The following FUZ variants were observed in gnomAD, a reference collection of about 807,000 sequenced individuals.
The protein encoded by FUZ is fuzzy planar cell polarity protein, also known as protein fuzzy homolog.
FUZ carries 31 observed loss-of-function variants against 43.1 expected under a neutral mutation model. The ratio of observed to expected loss-of-function variants is 0.72; its 90% confidence interval spans 0.54 to 0.97. The LOEUF (loss-of-function observed/expected upper bound fraction) is 0.97, where lower values mean the gene tolerates loss of function less well. Among genes scored for constraint, FUZ ranks in the 50% least tolerant of loss-of-function variants. FUZ has a pLI of 0.00. For synonymous variants in FUZ, 274 were observed against 250.0 expected (o/e 1.10, Z -0.91); for missense variants, 539 against 543.8 (o/e 0.99, Z 0.09).
chr19:49,808,534 CG>C, intron 9 of FUZ, 39 bp downstream of exon 9: 2 of 1,582,746 alleles, frequency 1.3e-6, no homozygotes, highest in Non-Finnish European at 1.7e-6. Flanking sequence ...CCCCGGCCCA[CG>C]CCCCTCCTAC....
chr19:49,811,335 G>T (rs761977723), intron 5 of FUZ, 28 bp downstream of exon 5: 29 of 1,487,856 alleles, frequency 1.9e-5, no homozygotes, highest in South Asian at 3.5e-5. Context: ...CAGAACAGGT[G>T]TAAGAGTTTC....
In FUZ at chr19:49,813,206, G is replaced by T. The variant is rs1340079001; in HGVS notation, c.-100C>A. On this transcript the variant is annotated 5_prime_UTR_variant, in exon 1 of 11. In the 5' UTR this introduces an upstream ATG that the reference lacks. Coordinates refer to ENST00000313777, the MANE Select transcript of FUZ (RefSeq NM_025129.5). Reference sequence around the variant, plus strand: ...CTCGGCCTGTGGTCCGGAGCCGCCAGAGGGCGAGATGGGGAGCTGATTGGA... The same window carrying T: ...CTCGGCCTGTGGTCCGGAGCCGCCATAGGGCGAGATGGGGAGCTGATTGGA... 1 of 1,077,762 alleles carries T rather than the reference G, an allele frequency of 9.3e-7. No homozygotes were observed. Among genetic ancestry groups the T allele is most frequent in the East Asian group, 2.6e-5 (1 of 38,904 alleles). The allele number at this position is 1,077,762 out of a possible 1,614,324, so 66.8% of individuals were successfully genotyped here. A position where few individuals can be genotyped will look rare whatever the true frequency, so the allele number is the denominator to read the frequency against.
chr19:49,813,314 T>C (rs1380068130), upstream of FUZ: 2 of 666,914 alleles, frequency 3.0e-6, no homozygotes, highest in African/African-American at 3.5e-5. Context: ...ACCCATTAGG[T>C]TCTCTTCCGC....
intron 3 of FUZ, 147 bp downstream of exon 3, chr19:49,812,104 T>C (rs2073821673): frequency 1.4e-6 from 1 of 723,318 alleles, no homozygotes; most frequent in Non-Finnish European, 2.5e-6. Context: ...CGAGACTCCG[T>C]CTCAAAACAA....
Position 49,808,656 on chromosome 19 carries a change from G to T in FUZ, c.894-18C>A. On this transcript the variant is annotated intron_variant, in intron 8 of 10. Coordinates refer to ENST00000313777, the MANE Select transcript of FUZ (RefSeq NM_025129.5). ...GCAGCAGCCTGTGGGAAAGGGAAGG[G>T]AATGTCATGGCTGGGGAAGAGGACA... 2 of 1,612,338 alleles carry T rather than the reference G, an allele frequency of 1.2e-6. No individual in the cohort carries two copies. Among genetic ancestry groups the T allele is most frequent in the Non-Finnish European group, 1.7e-6 (2 of 1,179,286 alleles).
chr19:49,811,446 T>C lies in FUZ; in HGVS notation c.409A>G (p.Ser137Gly). The C allele has an allele frequency of 6.2e-7, 1 of 1,613,968 alleles. No homozygotes were observed. The highest frequency in any genetic ancestry group is 1.1e-5 in the South Asian group (1 of 91,078). ...ATGAGCTCCGAGTCCCCCAGGAAGCTGTCGATGAGGCAATAACTGGCCTAG... is the reference window on the plus strand; with the variant it reads ...ATGAGCTCCGAGTCCCCCAGGAAGCCGTCGATGAGGCAATAACTGGCCTAG... ...DLRASYCLID[S>G]FLGDSELIGD... The change falls in exon 5 of 11, where the codon AGC becomes GGC. Residue 137 changes from serine to glycine, a missense_variant. By Grantham distance (56) the Ser-to-Gly change is moderately conservative (BLOSUM62 0). Coordinates refer to ENST00000313777, the MANE Select transcript of FUZ (RefSeq NM_025129.5).
chr19:49,811,531 C>G (rs764700213), intron 4 of FUZ, 64 bp from the exon 5 acceptor site: 31 of 1,585,226 alleles, frequency 2.0e-5, no homozygotes, highest in Non-Finnish European at 1.7e-6. Flanking sequence ...AACCAAGAAC[C>G]TGTGGGACCA....
upstream of FUZ, chr19:49,813,459 G>C: frequency 2.5e-6 from 1 of 405,708 alleles, no homozygotes; most frequent in Non-Finnish European, 4.7e-6. Context: ...GCGTTGCCTA[G>C]CCACCATCCT....
Position 49,808,834 on chromosome 19 carries a change from C to G in FUZ, c.787-11G>C. 2 of 1,525,308 alleles carry G rather than the reference C, an allele frequency of 1.3e-6. No individual in the cohort carries two copies. The highest frequency in any genetic ancestry group is 1.8e-6 in the Non-Finnish European group (2 of 1,137,072). The allele number at this position is 1,525,308 out of a possible 1,614,324, so 94.5% of individuals were successfully genotyped here. On this transcript the variant is annotated splice_polypyrimidine_tract_variant and intron_variant, in intron 7 of 10. Coordinates refer to ENST00000313777, the MANE Select transcript of FUZ (RefSeq NM_025129.5). ...CCAGCGCTCCAGAAGCTGCAGGGGG[C>G]GTGGTCATTGTGAGGTCGTCATGGG... is the stretch of plus-strand genomic sequence containing the variant.
At chr19:49,808,326 C>T in intron 10 of FUZ, 88 bp downstream of exon 10, 1 of 1,390,266 alleles carries the variant, frequency 7.2e-7, no homozygotes, top group Non-Finnish European at 9.9e-7. Flanking sequence ...CCTCCGGATC[C>T]TCCAACCCCA....
chr19:49,811,586 T>G, intron 4 of FUZ, 45 bp downstream of exon 4: 1 of 1,597,310 alleles, frequency 6.3e-7, no homozygotes, highest in Admixed American at 1.7e-5. Context: ...CAAATGGCAG[T>G]GCCCAGGTAT....
chr19:49,808,564 C>T lies in FUZ; in HGVS notation c.958+10G>A, dbSNP rs1351671787. 53 of 1,605,100 alleles carry T rather than the reference C, an allele frequency of 3.3e-5. No homozygotes were observed. Among genetic ancestry groups the T allele is most frequent in the Non-Finnish European group, 4.3e-5 (50 of 1,176,100 alleles). On this transcript the variant is annotated intron_variant, in intron 9 of 10. Coordinates refer to ENST00000313777, the MANE Select transcript of FUZ (RefSeq NM_025129.5). The stretch of plus-strand genomic sequence containing the variant: ...CTCCTACCCCTGCCCCTGCCCCTGT[C>T]CTCAGTCACCTTTATCCCCCAAGGG...
At position 49,813,120 on chromosome 19, in the gene FUZ, C is replaced by G; in HGVS notation, c.-14G>C. 1 of 1,543,688 alleles carries G rather than the reference C, an allele frequency of 6.5e-7. No homozygotes were observed. The highest frequency in any genetic ancestry group is 1.7e-4 in the Middle Eastern group (1 of 5,718). On this transcript the variant is annotated 5_prime_UTR_variant, in exon 1 of 11. Transcript: ENST00000313777. Reference sequence around the variant, plus strand: ...CTCCTCCCCCATTTAGGACTCCCACCGCGGTCCCTCACGTGGGGACTGTCA... The same window carrying G: ...CTCCTCCCCCATTTAGGACTCCCACGGCGGTCCCTCACGTGGGGACTGTCA...
At chr19:49,808,133 T>G in intron 10 of FUZ, 8 of 497,364 alleles carry the variant, frequency 1.6e-5, no homozygotes, top group East Asian at 3.8e-5. Flanking sequence ...ATGAAGTGAT[T>G]TCATTCTTTC....
chr19:49,809,088 G>A lies in FUZ; in HGVS notation c.786+75C>T, dbSNP rs975215584. On this transcript the variant is annotated intron_variant, in intron 7 of 10. Coordinates refer to ENST00000313777, the MANE Select transcript of FUZ (RefSeq NM_025129.5). The surrounding 1 kb of genome is among the most constrained non-coding windows in gnomAD (Gnocchi z 5.1). ...GGGCTGGGGAAAGATGCCGCTGGCA[G>A]GGCAGGGTGGTGGGGAAGGGCCCTC... 1.5e-6 allele frequency: 2 copies of A among 1,361,182 alleles called. No individual in the cohort carries two copies. The highest frequency in any genetic ancestry group is 2.1e-6 in the Non-Finnish European group (2 of 974,902). 84.3% of individuals were successfully genotyped at this position (1,361,182 alleles called of 1,614,324 possible).
chr19:49,807,749 T>G (rs2073468804), intron 10 of FUZ, among the ~76,000 whole-genome samples: 1 of 152,048 alleles, frequency 6.6e-6, no homozygotes. Context: ...CAGGGGCCAG[T>G]GGGAGGTGGA....
At chr19:49,808,883 C>A (rs1331445111) in intron 7 of FUZ, 60 bp from the exon 8 acceptor site, 2 of 581,478 alleles carry the variant, frequency 3.4e-6, no homozygotes, top group African/African-American at 2.6e-5. Context: ...CGGGGGAGGT[C>A]GGGGGGTGTA....
In FUZ at chr19:49,807,997, CTG is replaced by C. The variant is rs536573917; in HGVS notation, c.1033+415_1033+416del. 1.6e-3 allele frequency: 561 copies of C among 348,914 alleles called. 1 individual carries two copies. Among genetic ancestry groups the C allele is most frequent in the Non-Finnish European group, 2.7e-3 (489 of 179,270 alleles). 21.6% of individuals were successfully genotyped at this position (348,914 alleles called of 1,614,324 possible). Reference sequence around the variant, plus strand: ...TTTGGCAGTTGTGCAGAGCGCTGGACTGTGTGGATATGGGAGCAAGATCCCCT... The same window carrying C: ...TTTGGCAGTTGTGCAGAGCGCTGGACTGTGGATATGGGAGCAAGATCCCCT... On this transcript the variant is annotated intron_variant, in intron 10 of 10. Transcript: ENST00000313777.
rs374529154 is a variant in FUZ at position 49,807,139 on chromosome 19, A to C, written c.*12T>G. ...AGCCCCATGTCTGTGTCCATCACCCACTGCTAGGTAGTCAAAGAAGTGGGG... is the reference window on the plus strand; with the variant it reads ...AGCCCCATGTCTGTGTCCATCACCCCCTGCTAGGTAGTCAAAGAAGTGGGG... On this transcript the variant is annotated 3_prime_UTR_variant, in exon 11 of 11. Transcript: ENST00000313777. The C allele has an allele frequency of 4.4e-6, 7 of 1,606,786 alleles. No homozygotes were observed. The highest frequency in any genetic ancestry group is 5.9e-6 in the Non-Finnish European group (7 of 1,176,662).
Sources: allele counts gnomAD v4.1 joint callset (sites outside exome capture counted in the v4.1 genomes callset), GRCh38; gene constraint gnomAD v4.1.1; non-coding constraint Gnocchi (gnomAD v3.1); transcripts MANE v1.5; gene names NCBI Gene and HGNC (gene_info 2026-07-23, HGNC 2026-07-21).